ARHGAP23: variants seen among roughly 807,000 people sequenced by gnomAD.
ARHGAP23 encodes the protein rho GTPase-activating protein 23.
In ARHGAP23, 34 loss-of-function variants were observed where a neutral mutation model predicts 136.3. That is an observed-to-expected ratio of 0.25 (90% CI 0.19 to 0.33). The LOEUF is 0.33. Ranked by LOEUF, ARHGAP23 falls within the 10% of genes least tolerant of loss-of-function variation. The pLI, the probability that ARHGAP23 is intolerant of heterozygous loss-of-function variation, is 1.00. For missense variants in ARHGAP23, 1,808 were observed against 2,139.0 expected (o/e 0.85, Z 3.05); for synonymous variants, 832 against 920.5 (o/e 0.90, Z 1.74).
chr17:38,430,453 C>T (rs1013180411), intron 1 of ARHGAP23, among the ~76,000 whole-genome samples: 2 of 151,990 alleles, frequency 1.3e-5, no homozygotes, highest in African/African-American at 4.8e-5. Context: ...AGAAGTGCAG[C>T]ATTCTTGGCA....
rs1427125082 is a variant in ARHGAP23, at chr17:38,498,438, C to T, written c.3343C>T (p.Gln1115Ter). The change falls in exon 22 of 24, where the codon CAG (glutamine) becomes TAG (stop). Residue 1115 changes from glutamine (Q) to a stop codon, truncating the protein, a stop_gained. Coordinates refer to ENST00000622683, the MANE Select transcript of ARHGAP23 (RefSeq NM_001199417.2). LOFTEE classifies it high-confidence loss of function. ...GACCCCTGTGGGCGACAAGGAGCCT[C>T]AGGCAGTGCCCAACATTGAGTACCT... The part of the protein sequence containing the change: ...ERTPVGDKEP[Q>*]AVPNIEYLLP... The T allele has an allele frequency of 1.3e-6, 2 of 1,548,632 alleles. No homozygotes were observed. The highest frequency in any genetic ancestry group is 1.2e-5 in the South Asian group (1 of 83,920).
chr17:38,461,737 G>A (rs2039464975), intron 3 of ARHGAP23, among the ~76,000 whole-genome samples: 2 of 152,158 alleles, frequency 1.3e-5, no homozygotes, highest in African/African-American at 2.4e-5. Flanking sequence ...GAGGAGGTGG[G>A]GGATGTGAGT....
In ARHGAP23 at chr17:38,477,989, C is replaced by G. The variant is rs2039938448; in HGVS notation, c.2436+93C>G. ...GGGATGCCCGCTCTGAGCCTCACTT[C>G]CCTCTGCTAGAAAGGGGGGCTGACA... On this transcript the variant is annotated intron_variant, in intron 12 of 23. Coordinates refer to ENST00000622683, the MANE Select transcript of ARHGAP23 (RefSeq NM_001199417.2). This position sits in a 1 kb window ranked among gnomAD's most constrained non-coding sequence, Gnocchi z 6.6. 3 of 1,321,288 alleles carry G rather than the reference C, an allele frequency of 2.3e-6. No homozygotes were observed. Among genetic ancestry groups the G allele is most frequent in the Non-Finnish European group, 3.2e-6 (3 of 945,918 alleles). The allele number at this position is 1,321,288 out of a possible 1,614,324, so 81.8% of individuals were successfully genotyped here. A position where few individuals can be genotyped will look rare whatever the true frequency, so the allele number is the denominator to read the frequency against.
chr17:38,428,389 C>CCCA (rs1567768489), upstream of ARHGAP23: 27 of 449,060 alleles, frequency 6.0e-5, no homozygotes, highest in African/African-American at 5.4e-4. Flanking sequence ...GGGGGCCCCC[C>CCCA]CACACCGCGC....
upstream of ARHGAP23, among the ~76,000 whole-genome samples, chr17:38,426,550 C>CAAAAAA (rs751365956): frequency 1.4e-3 from 71 of 51,206 alleles, 2 homozygotes; most frequent in African/African-American, 4.7e-3. Context: ...AACTCCATCT[C>CAAAAAA]AAAAAAAAAA....
intron 23 of ARHGAP23, among the ~76,000 whole-genome samples, chr17:38,507,158 C>T (rs1651950442): frequency 6.6e-6 from 1 of 151,834 alleles, no homozygotes; most frequent in Non-Finnish European, 1.5e-5. Flanking sequence ...CCTGTAATCC[C>T]AGCTACTCGG....
At chr17:38,426,125 G>A (rs540064351), upstream of ARHGAP23, among the ~76,000 whole-genome samples, 108 of 152,168 alleles carry the variant, frequency 7.1e-4, no homozygotes, top group African/African-American at 2.5e-3. Context: ...CTCCCTCACA[G>A]AGACAACCCT....
upstream of ARHGAP23, among the ~76,000 whole-genome samples, chr17:38,426,550 C>CAAAAAAAAAAAAAA (rs751365956): frequency 2.5e-3 from 130 of 51,206 alleles, 14 homozygotes; most frequent in African/African-American, 5.0e-3. Context: ...AACTCCATCT[C>CAAAAAAAAAAAAAA]AAAAAAAAAA....
At chr17:38,484,871 G>T (rs2040125852) in intron 16 of ARHGAP23, among the ~76,000 whole-genome samples, 1 of 152,160 alleles carries the variant, frequency 6.6e-6, no homozygotes, top group Non-Finnish European at 1.5e-5. Context: ...AGCCTGTGGG[G>T]AGTGTATTGT....
intron 20 of ARHGAP23, among the ~76,000 whole-genome samples, chr17:38,494,137 G>A (rs750965836): frequency 7.2e-5 from 11 of 152,194 alleles, no homozygotes; most frequent in Non-Finnish European, 1.5e-4. Flanking sequence ...AGTGCCCACT[G>A]GGGTGGGGGG....
At chr17:38,456,854 G>A (rs1214096141) in intron 1 of ARHGAP23, among the ~76,000 whole-genome samples, 1 of 152,088 alleles carries the variant, frequency 6.6e-6, no homozygotes, top group Non-Finnish European at 1.5e-5. Context: ...ACATCATCTT[G>A]GAGAATCCTG....
intron 23 of ARHGAP23, among the ~76,000 whole-genome samples, chr17:38,503,954 G>T (rs1344759028): frequency 6.6e-6 from 1 of 152,196 alleles, no homozygotes; most frequent in Admixed American, 6.5e-5. Context: ...ACGAACATCG[G>T]TTTCATTTCA....
intron 5 of ARHGAP23, 37 bp downstream of exon 5, chr17:38,463,233 C>G (rs1295405502): frequency 1.3e-6 from 2 of 1,550,794 alleles, no homozygotes; most frequent in Non-Finnish European, 1.7e-6. Flanking sequence ...TATTATCTCC[C>G]CTCCCCTTTG....
At position 38,482,572 on chromosome 17, in the gene ARHGAP23, G is replaced by A. The variant is rs2040070706; in HGVS notation, c.2801G>A (p.Gly934Glu). Reference protein sequence around the residue: ...AACCRIVEARGLESTGIYRVP... With the variant: ...AACCRIVEARELESTGIYRVP... Reference sequence around the variant, plus strand: ...TGCTGTCGCATTGTGGAGGCACGAGGGCTGGAGTCCACAGGCATTTACCGA... The same window carrying A: ...TGCTGTCGCATTGTGGAGGCACGAGAGCTGGAGTCCACAGGCATTTACCGA... The change falls in exon 16 of 24, where the codon GGG (glycine) becomes GAG (glutamate). Residue 934 changes from glycine to glutamate, a missense_variant. Coordinates refer to ENST00000622683, the MANE Select transcript of ARHGAP23 (RefSeq NM_001199417.2). 1 of 1,550,074 alleles carries A rather than the reference G, an allele frequency of 6.5e-7. No homozygotes were observed. Among genetic ancestry groups the A allele is most frequent in the Admixed American group, 2.0e-5 (1 of 50,960 alleles).
intron 6 of ARHGAP23, among the ~76,000 whole-genome samples, chr17:38,463,680 C>T (rs148012208): frequency 5.5e-4 from 83 of 152,226 alleles, no homozygotes; most frequent in Non-Finnish European, 9.4e-4. Context: ...AGAGATGCCT[C>T]TTCCCTGCAC....
upstream of ARHGAP23, among the ~76,000 whole-genome samples, chr17:38,424,196 A>AC (rs1371159674): frequency 2.0e-5 from 3 of 151,702 alleles, no homozygotes; most frequent in African/African-American, 7.3e-5. Flanking sequence ...CTGGAGCCCC[A>AC]CCCTCCAGAT....
intron 22 of ARHGAP23, chr17:38,499,053 G>A (rs2040461517): frequency 1.5e-6 from 1 of 687,590 alleles, no homozygotes; most frequent in Admixed American, 2.0e-5. Context: ...GGACTGTGAG[G>A]ACCCCACGCT....
chr17:38,490,147 G>A lies in ARHGAP23; in HGVS notation c.3032G>A (p.Arg1011Gln), dbSNP rs1189877744. The change falls in exon 18 of 24, where the codon CGG (arginine) becomes CAG (glutamine). Residue 1011 changes from arginine (R) to glutamine (Q), a missense_variant. By Grantham distance (43) the Arg-to-Gln change is conservative. Coordinates refer to ENST00000622683, the MANE Select transcript of ARHGAP23 (RefSeq NM_001199417.2). The stretch of plus-strand genomic sequence containing the variant: ...GAGGCCAACCGCATTGAGGACGCGC[G>A]GGAGCGAATGAGGACGCTGCGGAAG... ...FIEANRIEDA[R>Q]ERMRTLRKLI... 6.4e-6 allele frequency: 10 copies of A among 1,551,646 alleles called. No individual in the cohort carries two copies. Among genetic ancestry groups the A allele is most frequent in the African/African-American group, 1.4e-5 (1 of 73,060 alleles).
At position 38,510,911 on chromosome 17, in the gene ARHGAP23, G is replaced by C. The variant is rs1288280253; in HGVS notation, c.4415G>C (p.Gly1472Ala). 6.7e-7 allele frequency: 1 copy of C among 1,489,966 alleles called. No individual in the cohort carries two copies. The highest frequency in any genetic ancestry group is 8.9e-7 in the Non-Finnish European group (1 of 1,129,068). 92.3% of individuals were successfully genotyped at this position (1,489,966 alleles called of 1,614,324 possible). A position where few individuals can be genotyped will look rare whatever the true frequency, so the allele number is the denominator to read the frequency against. The change falls in exon 24 of 24, where the codon GGG becomes GCG. Residue 1472 changes from glycine to alanine, a missense_variant. Physicochemically the swap from Gly to Ala is moderately conservative, Grantham distance 60. This residue lies in a region of ARHGAP23 where 506 missense variants were observed against 455.8 expected (regional missense o/e 1.11). Coordinates refer to ENST00000622683, the MANE Select transcript of ARHGAP23 (RefSeq NM_001199417.2). This position sits in a 1 kb window ranked among gnomAD's most constrained non-coding sequence, Gnocchi z 4.6. ...CAGCCGCCCGCGCCCGGGGACACGG[G>C]GTCCCTGCAGAGCCAGCCCCCGCGC... The part of the protein sequence containing the change: ...ASQPPAPGDT[G>A]SLQSQPPRRS...
Sources: gnomAD v4.1 joint callset for allele counts (sites outside exome capture counted in the v4.1 genomes callset) on GRCh38, gnomAD v4.1.1 for gene constraint, gnomAD v4.1.1 regional missense constraint, Gnocchi (gnomAD v3.1) non-coding constraint, MANE v1.5 for transcripts, NCBI Gene and HGNC (gene_info 2026-07-23, HGNC 2026-07-21) for gene names.